WDR86: variants seen among roughly 807,000 people sequenced by gnomAD.
WDR86 encodes the protein WD repeat domain 86, also known as WD repeat-containing protein 86.
Under a neutral mutation model 36.5 loss-of-function variants are expected in WDR86, and 30 were observed. The observed-to-expected ratio is 0.82, with a 90% confidence interval of 0.61 to 1.11. The LOEUF is 1.11. WDR86 is among the 50% of genes most tolerant of loss of function. The pLI is 0.00. For synonymous variants in WDR86, 255 were observed against 252.9 expected, an observed-to-expected ratio of 1.01 and a Z score of -0.08; for missense variants, 545 against 561.2, an observed-to-expected ratio of 0.97 and a Z score of 0.29.
intron 1 of WDR86, among the ~76,000 whole-genome samples, chr7:151,403,935 G>A (rs1563066436): frequency 6.6e-6 from 1 of 152,156 alleles, no homozygotes; most frequent in Non-Finnish European, 1.5e-5. Flanking sequence ...CTGTGGGGCC[G>A]ATACCAAGCC....
rs1799371333 is a variant in WDR86, at chr7:151,390,751, G to C, written c.726+5025C>G. 6.6e-6 allele frequency among the ~76,000 whole-genome samples: 1 copy of C among 152,182 alleles called. No homozygotes were observed. The highest frequency in any genetic ancestry group is 6.5e-5 in the Admixed American group (1 of 15,282). On this transcript the variant is annotated intron_variant, in intron 3 of 5. Transcript: ENST00000334493. This position sits in a 1 kb window ranked among gnomAD's most constrained non-coding sequence, Gnocchi z 4.5. ...TCTCATCACACACCACAACACAGAC[G>C]AACCCTGAAGATCTTATGCTCATGA...
chr7:151,376,955 C>A, downstream of WDR86: 1 of 1,410,662 alleles, frequency 7.1e-7, no homozygotes, highest in Non-Finnish European at 9.5e-7. Context: ...GTGTGGCCAG[C>A]AAGAGGCACA....
At chr7:151,402,071 A>AAAAAAT in intron 1 of WDR86, among the ~76,000 whole-genome samples, 1 of 45,494 alleles carries the variant, frequency 2.2e-5, no homozygotes, top group South Asian at 6.1e-4. Flanking sequence ...AAAAAAAAAA[A>AAAAAAT]TATATATATA....
Position 151,381,302 on chromosome 7 carries a change from TC to T in WDR86, c.*279del. The T allele has an allele frequency of 7.6e-7, 1 of 1,314,150 alleles. No homozygotes were observed. Among genetic ancestry groups the T allele is most frequent in the Non-Finnish European group, 9.7e-7 (1 of 1,035,840 alleles). 81.4% of individuals were successfully genotyped at this position (1,314,150 alleles called of 1,614,324 possible). On this transcript the variant is annotated 3_prime_UTR_variant, in exon 6 of 6. Transcript: ENST00000334493. This position sits in a 1 kb window ranked among gnomAD's most constrained non-coding sequence, Gnocchi z 4.8. ...GCCTGCAGCCCCTGAGGTGGGAGGG[TC>T]CCCAGGACTAGGCCTTTCGCCAGGT...
chr7:151,402,091 A>ATATATATATATATATATATATATATCTC (rs1365492180), intron 1 of WDR86, among the ~76,000 whole-genome samples: 4 of 124,196 alleles, frequency 3.2e-5, no homozygotes, highest in African/African-American at 1.3e-4. Context: ...ATATATATAT[A>ATATATATATATATATATATATATATCTC]TCTCCACAAA....
chr7:151,383,026 C>T (rs1340729857), intron 4 of WDR86, among the ~76,000 whole-genome samples: 2 of 150,720 alleles, frequency 1.3e-5, no homozygotes, highest in Non-Finnish European at 3.0e-5. Flanking sequence ...ACTCTGTTGC[C>T]GAGGCTGGAG....
chr7:151,372,042 G>A (rs188611787), downstream of WDR86, among the ~76,000 whole-genome samples: 17 of 152,266 alleles, frequency 1.1e-4, no homozygotes, highest in East Asian at 3.3e-3. Flanking sequence ...TATATTTTTT[G>A]TGCAATATGG....
Position 151,396,046 on chromosome 7 carries a change from G to A in WDR86, c.456C>T (p.Pro152=), listed in dbSNP as rs761065990. 3.7e-6 allele frequency: 6 copies of A among 1,611,254 alleles called. No homozygotes were observed. In the African/African-American group the frequency reaches 6.7e-5, roughly 18 times the overall value. The stretch of plus-strand genomic sequence containing the variant: ...CGGCCTCCTCCGCGCAGGGAGTGCT[G>A]GGGAGGTCCCACGGGGCAGAGTAGG... ...TLAYSAPWDL[P]STPCAEEAAA... Residue 152 remains proline, a synonymous_variant, in exon 3 of 6, where the codon CCC becomes CCT. Coordinates refer to ENST00000334493, the MANE Select transcript of WDR86 (RefSeq NM_198285.3).
rs118124023 is a variant in WDR86 at position 151,404,001 on chromosome 7, A to C, written c.164-3760T>G. Among the ~76,000 whole-genome samples the C allele has an allele frequency of 7.7e-3, 1,174 of 152,312 alleles. 37 individuals are homozygous for C. The highest frequency in any genetic ancestry group is 0.057 in the Admixed American group (870 of 15,288). On this transcript the variant is annotated intron_variant, in intron 1 of 5. Coordinates refer to ENST00000334493, the MANE Select transcript of WDR86 (RefSeq NM_198285.3). ...AAGGTGAAGCGCAGCAGTGAGTCATATGTTAAGCCAAGAAAAGCACTTAAA... is the reference window on the plus strand; with the variant it reads ...AAGGTGAAGCGCAGCAGTGAGTCATCTGTTAAGCCAAGAAAAGCACTTAAA...
At chr7:151,370,236 AC>A in the WDR86 span, among the ~76,000 whole-genome samples, 1 of 151,934 alleles carries the variant, frequency 6.6e-6, no homozygotes, top group African/African-American at 2.4e-5. Flanking sequence ...ACAGGTGCCC[AC>A]CACCACGCCC....
rs1206914261 is a variant in WDR86 at position 151,409,326 on chromosome 7, T to C, written c.163+101A>G. On this transcript the variant is annotated intron_variant, in intron 1 of 5. Coordinates refer to ENST00000334493, the MANE Select transcript of WDR86 (RefSeq NM_198285.3). The surrounding 1 kb of genome is among the most constrained non-coding windows in gnomAD (Gnocchi z 5.2). Reference sequence around the variant, plus strand: ...CTAGTGTGCCGGGATGAGCGGGGGCTGGACTTCTAGAAAGGGGTCTGCGGG... The same window carrying C: ...CTAGTGTGCCGGGATGAGCGGGGGCCGGACTTCTAGAAAGGGGTCTGCGGG... 1 of 1,501,268 alleles carries C rather than the reference T, an allele frequency of 6.7e-7. No homozygotes were observed. The highest frequency in any genetic ancestry group is 2.0e-5 in the Admixed American group (1 of 49,846). The allele number at this position is 1,501,268 out of a possible 1,614,324, so 93.0% of individuals were successfully genotyped here.
At position 151,381,835 on chromosome 7, in the gene WDR86, C is replaced by T. The variant is rs1307014558; in HGVS notation, c.966+43G>A. Reference sequence around the variant, plus strand: ...TGGATGGATCGGGGCGGGGCACCTTCCCTCCCACGGGCGGCGGCCCCGAGA... The same window carrying T: ...TGGATGGATCGGGGCGGGGCACCTTTCCTCCCACGGGCGGCGGCCCCGAGA... On this transcript the variant is annotated intron_variant, in intron 5 of 5. Transcript: ENST00000334493. The surrounding 1 kb of genome is among the most constrained non-coding windows in gnomAD (Gnocchi z 4.8). The T allele has an allele frequency of 6.4e-7, 1 of 1,565,986 alleles. No individual in the cohort carries two copies.
At chr7:151,395,232 C>G (rs1422443245) in intron 3 of WDR86, among the ~76,000 whole-genome samples, 2 of 152,218 alleles carry the variant, frequency 1.3e-5, no homozygotes, top group South Asian at 2.1e-4. Context: ...AAAGACAAAC[C>G]AGGAAAACAG....
Position 151,388,460 on chromosome 7 carries a change from A to AG in WDR86, c.727-3238dup, listed in dbSNP as rs11445061. Among the ~76,000 whole-genome samples the AG allele has an allele frequency of 1, 152,202 of 152,276 alleles. 76,064 individuals carry two copies. The highest frequency in any genetic ancestry group is 1 in the Non-Finnish European group (68,018 of 68,018). ...AGGGGAGAGGGCTGCCCTGCAGCGCAGGGCCACCACAGACAGGGTGCCCCC... is the reference window on the plus strand; with the variant it reads ...AGGGGAGAGGGCTGCCCTGCAGCGCAGGGGCCACCACAGACAGGGTGCCCCC... On this transcript the variant is annotated intron_variant, in intron 3 of 5. Transcript: ENST00000334493. The surrounding 1 kb of genome is among the most constrained non-coding windows in gnomAD (Gnocchi z 4.2).
chr7:151,373,215 T>C (rs1048969211), downstream of WDR86, among the ~76,000 whole-genome samples: 1 of 152,178 alleles, frequency 6.6e-6, no homozygotes. Context: ...CCTGGGAGAA[T>C]GTAGCAAGTC....
chr7:151,376,502 T>C (rs1003025846), downstream of WDR86: 1 of 859,296 alleles, frequency 1.2e-6, no homozygotes, highest in Non-Finnish European at 1.7e-6. Context: ...AAGCATGACT[T>C]GTGCACAAAG....
intron 3 of WDR86, 36 bp downstream of exon 3, chr7:151,395,740 C>T (rs1180295547): frequency 1.3e-6 from 2 of 1,518,830 alleles, no homozygotes; most frequent in East Asian, 4.9e-5. Flanking sequence ...GACCTGGGCT[C>T]CCCTGGCTGC....
At position 151,384,670 on chromosome 7, in the gene WDR86, A is replaced by G. The variant is rs965579409; in HGVS notation, c.862+418T>C. Among the ~76,000 whole-genome samples, 5 of 152,180 alleles carry G rather than the reference A, an allele frequency of 3.3e-5. No individual in the cohort carries two copies. In the East Asian group the frequency reaches 7.7e-4, roughly 24 times the overall value. ...TCTTCTACCTGAGAGAAAATAAACCACCACCTCATTGGAACCACAGCTACC... is the reference window on the plus strand; with the variant it reads ...TCTTCTACCTGAGAGAAAATAAACCGCCACCTCATTGGAACCACAGCTACC... On this transcript the variant is annotated intron_variant, in intron 4 of 5. Transcript: ENST00000334493.
At chr7:151,404,519 G>A (rs895611630) in intron 1 of WDR86, among the ~76,000 whole-genome samples, 2 of 152,294 alleles carry the variant, frequency 1.3e-5, no homozygotes, top group East Asian at 1.9e-4. Flanking sequence ...CACCCTAGCG[G>A]GGAGGAGGCG....
Sources: allele counts gnomAD v4.1 joint callset (sites outside exome capture counted in the v4.1 genomes callset), GRCh38; gene constraint gnomAD v4.1.1; non-coding constraint Gnocchi (gnomAD v3.1); transcripts MANE v1.5; gene names NCBI Gene and HGNC (gene_info 2026-07-23, HGNC 2026-07-21).